ADAM32: variants seen among roughly 807,000 people sequenced by gnomAD.
The protein encoded by ADAM32 is disintegrin and metalloproteinase domain-containing protein 32.
A neutral mutation model predicts 114.9 loss-of-function variants in ADAM32; 89 were observed. That is an observed-to-expected ratio of 0.77 (90% CI 0.65 to 0.92). The LOEUF is 0.92. Among genes scored for constraint, ADAM32 ranks in the 40% least tolerant of loss-of-function variants. The pLI is 0.00. For synonymous variants in ADAM32, 285 were observed against 307.5 expected (o/e 0.93, Z 0.77); for missense variants, 870 against 932.8 (o/e 0.93, Z 0.88).
chr8:39,118,106 C>A lies in ADAM32; in HGVS notation c.79C>A (p.Gln27Lys). The A allele has an allele frequency of 6.7e-7, 1 of 1,483,650 alleles. No homozygotes were observed. The highest frequency in any genetic ancestry group is 9.0e-7 in the Non-Finnish European group (1 of 1,112,654). The allele number at this position is 1,483,650 out of a possible 1,614,324, so 91.9% of individuals were successfully genotyped here. Residue 27 changes from glutamine to lysine, a missense_variant, in exon 2 of 25, where the codon CAG (glutamine) becomes AAG (lysine). By Grantham distance (53) the Gln-to-Lys change is moderately conservative. Coordinates refer to ENST00000379907, the MANE Select transcript of ADAM32 (RefSeq NM_145004.7). ...SRPGFQNSLL[Q>K]IVIPEKIQTN... ...TTCAGGTTTTCAAAATTCACTTCTA[C>A]AGATCGTAATTCCAGAGAAAATCCA...
chr8:39,140,653 T>C (rs1803095763), intron 3 of ADAM32, among the ~76,000 whole-genome samples: 1 of 152,186 alleles, frequency 6.6e-6, no homozygotes. Context: ...GGTATCAGGA[T>C]GATGCTGGCC....
chr8:39,187,641 G>A (rs1381902353), intron 11 of ADAM32, among the ~76,000 whole-genome samples: 1 of 150,320 alleles, frequency 6.7e-6, no homozygotes, highest in Non-Finnish European at 1.5e-5. Flanking sequence ...TTTTGGTTTT[G>A]CTTTTAGAAT....
chr8:39,181,398 A>G (rs1436040695), intron 10 of ADAM32, among the ~76,000 whole-genome samples: 1 of 152,140 alleles, frequency 6.6e-6, no homozygotes, highest in Non-Finnish European at 1.5e-5. Context: ...ACCAGAAGGA[A>G]GAAACTCTGA....
At chr8:39,185,317 C>T (rs1164417224) in intron 10 of ADAM32, among the ~76,000 whole-genome samples, 2 of 146,564 alleles carry the variant, frequency 1.4e-5, no homozygotes, top group African/African-American at 5.1e-5. Flanking sequence ...ATCCATTGCA[C>T]TATGCTACTG....
In ADAM32 at chr8:39,164,811, C is replaced by T. The variant is rs199678418; in HGVS notation, c.642C>T (p.Ile214=). The T allele has an allele frequency of 2.0e-4, 318 of 1,607,690 alleles. No homozygotes were observed. Among genetic ancestry groups the T allele is most frequent in the Admixed American group, 1.5e-3 (88 of 59,312 alleles). The change falls in exon 8 of 25, where the codon ATC becomes ATT. Residue 214 remains isoleucine, a synonymous_variant. Transcript: ENST00000379907. Reference sequence around the variant, plus strand: ...GCATGATAGTAACAAATAAAGTCATCGAAATTGTTGGCCTTGCAAATTCAG... The same window carrying T: ...GCATGATAGTAACAAATAAAGTCATTGAAATTGTTGGCCTTGCAAATTCAG... ...SDSMIVTNKV[I]EIVGLANSMF...
intron 10 of ADAM32, among the ~76,000 whole-genome samples, chr8:39,173,842 T>C (rs75827666): frequency 2.0e-5 from 3 of 152,198 alleles, no homozygotes; most frequent in Non-Finnish European, 2.9e-5. Flanking sequence ...TTTTTTTTTT[T>C]GAGACAGGGT....
intron 10 of ADAM32, among the ~76,000 whole-genome samples, chr8:39,179,467 G>A (rs1166805284): frequency 6.6e-6 from 1 of 152,166 alleles, no homozygotes; most frequent in Non-Finnish European, 1.5e-5. Flanking sequence ...CGCCTGGCAG[G>A]AATTCCTGGG....
intron 16 of ADAM32, among the ~76,000 whole-genome samples, chr8:39,236,877 C>T (rs1254119093): frequency 6.6e-6 from 1 of 152,204 alleles, no homozygotes. Context: ...TTGCAGCTCC[C>T]ACTTGGATGG....
chr8:39,242,460 C>T (rs577737477), intron 16 of ADAM32, among the ~76,000 whole-genome samples: 115 of 152,306 alleles, frequency 7.6e-4, no homozygotes, highest in Non-Finnish European at 1.5e-3. Context: ...AATGGACTTA[C>T]AGTTCCACAT....
At chr8:39,168,535 C>G (rs979100127) in intron 9 of ADAM32, 3 of 152,146 alleles carry the variant, frequency 2.0e-5, no homozygotes, top group Non-Finnish European at 4.4e-5. Context: ...TTGGTCATGA[C>G]CCTCAGGCTT....
chr8:39,142,251 T>C lies in ADAM32; in HGVS notation c.201-4879T>C, dbSNP rs868636282. Among the ~76,000 whole-genome samples the C allele has an allele frequency of 2.6e-5, 4 of 152,196 alleles. No individual in the cohort carries two copies. In the South Asian group the frequency reaches 8.3e-4, roughly 32 times the overall value. The stretch of plus-strand genomic sequence containing the variant: ...TGAATTTGATCCTGTCATTATGATG[T>C]TAGCTGGTTATTTTTCCCATTAATT... On this transcript the variant is annotated intron_variant, in intron 3 of 24. Transcript: ENST00000379907.
At chr8:39,208,286 A>T (rs1716107995) in intron 11 of ADAM32, among the ~76,000 whole-genome samples, 1 of 152,158 alleles carries the variant, frequency 6.6e-6, no homozygotes, top group South Asian at 2.1e-4. Flanking sequence ...TGAAACAAAC[A>T]CAACCTGAAA....
chr8:39,275,761 A>G, intron 21 of ADAM32, 67 bp from the exon 22 acceptor site: 1 of 1,429,980 alleles, frequency 7.0e-7, no homozygotes, highest in South Asian at 1.4e-5. Context: ...TCCGACATTC[A>G]TTCATTATGG....
intron 10 of ADAM32, among the ~76,000 whole-genome samples, chr8:39,186,633 A>G (rs955477065): frequency 1.3e-5 from 2 of 152,184 alleles, no homozygotes; most frequent in Non-Finnish European, 2.9e-5. Flanking sequence ...GATTTTCTTT[A>G]TCAAAACAAT....
chr8:39,112,646 C>G (rs1181790817), intron 1 of ADAM32, among the ~76,000 whole-genome samples: 1 of 152,190 alleles, frequency 6.6e-6, no homozygotes, highest in Non-Finnish European at 1.5e-5. Flanking sequence ...GATATTACAT[C>G]ATTCCCCCAT....
intron 22 of ADAM32, among the ~76,000 whole-genome samples, chr8:39,277,845 C>T (rs1281930746): frequency 6.6e-6 from 1 of 152,238 alleles, no homozygotes; most frequent in East Asian, 1.9e-4. Flanking sequence ...TGTTACAGTG[C>T]TCTTTTAGCT....
At chr8:39,248,189 T>C (rs1011160161) in intron 17 of ADAM32, among the ~76,000 whole-genome samples, 1 of 152,192 alleles carries the variant, frequency 6.6e-6, no homozygotes, top group Non-Finnish European at 1.5e-5. Context: ...TGTGCCTCCA[T>C]AGAAACTTTA....
At chr8:39,221,774 C>A in intron 13 of ADAM32, 72 bp downstream of exon 13, 1 of 954,126 alleles carries the variant, frequency 1.0e-6, no homozygotes, top group Non-Finnish European at 1.6e-6. Flanking sequence ...CAACACAGAC[C>A]TACAGCTGTA....
intron 14 of ADAM32, among the ~76,000 whole-genome samples, chr8:39,224,859 G>A (rs1212126206): frequency 6.6e-6 from 1 of 152,082 alleles, no homozygotes; most frequent in Non-Finnish European, 1.5e-5. Flanking sequence ...CTGGCAGCAC[G>A]GCAGAGAAAA....
Sources: allele counts gnomAD v4.1 joint callset (sites outside exome capture counted in the v4.1 genomes callset), GRCh38; gene constraint gnomAD v4.1.1; transcripts MANE v1.5; gene names NCBI Gene and HGNC (gene_info 2026-07-23, HGNC 2026-07-21).